SLC8A2: variants seen among roughly 807,000 people sequenced by gnomAD.
The protein encoded by SLC8A2 is solute carrier family 8 member A2.
In SLC8A2, 14 loss-of-function variants were observed where a neutral mutation model predicts 70.2. The observed-to-expected ratio is 0.20, with a 90% CI of 0.13 to 0.31. The LOEUF is 0.31. SLC8A2 is among the 10% of genes least tolerant of loss of function. The pLI, the probability that SLC8A2 is intolerant of heterozygous loss-of-function variation, is 1.00. For missense variants in SLC8A2, 779 were observed against 1,320.1 expected (o/e 0.59, Z 6.35); for synonymous variants, 575 against 594.3 (o/e 0.97, Z 0.47).
chr19:47,467,488 A>G (rs1320417862), intron 1 of SLC8A2, among the ~76,000 whole-genome samples: 2 of 152,136 alleles, frequency 1.3e-5, no homozygotes, highest in African/African-American at 2.4e-5. Flanking sequence ...GGTAGCAGGC[A>G]TCAGTCTCTC....
chr19:47,465,623 G>A lies in SLC8A2; in HGVS notation c.675+106C>T. ...TACTTGGCAGCCCTCTCAGATGTGA[G>A]TGTGCATTTCTGCAAATACAGCAAT... On this transcript the variant is annotated intron_variant, in intron 2 of 9. Transcript: ENST00000236877. The surrounding 1 kb of genome is among the most constrained non-coding windows in gnomAD (Gnocchi z 5.5). The A allele has an allele frequency of 1.0e-6, 1 of 982,180 alleles. No homozygotes were observed. The highest frequency in any genetic ancestry group is 2.6e-5 in the East Asian group (1 of 38,110). The allele number at this position is 982,180 out of a possible 1,614,324, so 60.8% of individuals were successfully genotyped here.
At position 47,466,196 on chromosome 19, in the gene SLC8A2, C is replaced by T; in HGVS notation, c.208G>A (p.Ala70Thr). 6.2e-7 allele frequency: 1 copy of T among 1,613,280 alleles called. No individual in the cohort carries two copies. Among genetic ancestry groups the T allele is most frequent in the Non-Finnish European group, 8.5e-7 (1 of 1,179,296 alleles). ...PDDPSLGDKA[A>T]RAVVYFVAMV... ...GCCACAAAGTACACCACTGCCCGTG[C>T]CGCCTTGTCACCCAGCGACGGGTCG... The change falls in exon 2 of 10, where the codon GCA becomes ACA. Residue 70 changes from alanine to threonine, a missense_variant. By Grantham distance (58) the Ala-to-Thr change is moderately conservative. Transcript: ENST00000236877. This position sits in a 1 kb window ranked among gnomAD's most constrained non-coding sequence, Gnocchi z 6.9.
intron 3 of SLC8A2, among the ~76,000 whole-genome samples, chr19:47,451,827 A>G (rs148756191): frequency 7.2e-5 from 11 of 152,342 alleles, no homozygotes; most frequent in Non-Finnish European, 1.2e-4. Context: ...GAATCATTCT[A>G]GTAACTGGCC....
chr19:47,431,138 C>T (rs1265855604), intron 9 of SLC8A2, among the ~76,000 whole-genome samples: 4 of 151,938 alleles, frequency 2.6e-5, no homozygotes, highest in African/African-American at 7.3e-5. Context: ...AGGTGATCCT[C>T]CCACCTCAGC....
intron 6 of SLC8A2, among the ~76,000 whole-genome samples, chr19:47,439,643 T>TTCCTTCCTTCCTTCCC: frequency 1.4e-5 from 2 of 145,682 alleles, no homozygotes; most frequent in Non-Finnish European, 3.0e-5. Flanking sequence ...CCTTCCTTCC[T>TTCCTTCCTTCCTTCCC]CCCCTCCCTC....
chr19:47,458,448 TTC>T (rs576090926), intron 2 of SLC8A2, among the ~76,000 whole-genome samples: 209 of 111,806 alleles, frequency 1.9e-3, no homozygotes, highest in African/African-American at 6.8e-3. Flanking sequence ...TTCCCCCCAT[TTC>T]TCTCTTTCCC....
chr19:47,434,088 G>GA (rs1297787696), intron 8 of SLC8A2, among the ~76,000 whole-genome samples: 1 of 152,256 alleles, frequency 6.6e-6, no homozygotes, highest in Non-Finnish European at 1.5e-5. Flanking sequence ...ATGCTCATGA[G>GA]AACGAACGTA....
At chr19:47,471,082 G>C (rs529440781) in intron 1 of SLC8A2, among the ~76,000 whole-genome samples, 3 of 151,528 alleles carry the variant, frequency 2.0e-5, no homozygotes, top group African/African-American at 4.9e-5. Context: ...GAGAAACAGA[G>C]ACTGAGATAT....
Position 47,447,997 on chromosome 19 carries a change from G to A in SLC8A2, c.1575C>T (p.Phe525=). ...TILDDDHAGI[F]SFQDRLLHVS... The stretch of plus-strand genomic sequence containing the variant: ...CGTGCAGCAGGCGGTCCTGGAAGGA[G>A]AAGATGCCTGCGTGGTCGTCGTCCA... Residue 525 remains phenylalanine (F), a synonymous_variant, in exon 4 of 10, where the codon TTC becomes TTT. Transcript: ENST00000236877. This position sits in a 1 kb window ranked among gnomAD's most constrained non-coding sequence, Gnocchi z 5.1. The A allele has an allele frequency of 1.9e-6, 3 of 1,561,952 alleles. No individual in the cohort carries two copies. The highest frequency in any genetic ancestry group is 2.6e-6 in the Non-Finnish European group (3 of 1,152,922).
intron 2 of SLC8A2, among the ~76,000 whole-genome samples, chr19:47,461,013 A>T (rs982349707): frequency 1.3e-5 from 2 of 152,062 alleles, no homozygotes; most frequent in Admixed American, 1.3e-4. Flanking sequence ...AACATGGTGA[A>T]ACCCCGTCTC....
In SLC8A2 at chr19:47,430,558, C is replaced by A; in HGVS notation, c.2390-93G>T. ...GCCCCCTCCCAGCCTTTCCCGGTCG[C>A]CTGCTTTCTGCGGGCAGTGTGGGCT... On this transcript the variant is annotated intron_variant, in intron 9 of 9. Coordinates refer to ENST00000236877, the MANE Select transcript of SLC8A2 (RefSeq NM_015063.3). This position sits in a 1 kb window ranked among gnomAD's most constrained non-coding sequence, Gnocchi z 5.9. 3.7e-6 allele frequency: 5 copies of A among 1,368,976 alleles called. No homozygotes were observed. The highest frequency in any genetic ancestry group is 4.8e-6 in the Non-Finnish European group (5 of 1,035,958). 84.8% of individuals were successfully genotyped at this position (1,368,976 alleles called of 1,614,324 possible).
rs1483966048 is a variant in SLC8A2, at chr19:47,459,024, G to A, written c.676-1430C>T. ...CTTTTCTCTCTCTCTCCTTGCTCCC[G>A]TTCCTCTCCATCTCTGTCTCTCTGT... is the stretch of plus-strand genomic sequence containing the variant. On this transcript the variant is annotated intron_variant, in intron 2 of 9. Transcript: ENST00000236877. Among the ~76,000 whole-genome samples, 4 of 131,134 alleles carry A rather than the reference G, an allele frequency of 3.1e-5. 1 individual carries two copies. The highest frequency in any genetic ancestry group is 5.0e-4 in the South Asian group (2 of 4,036). 86.0% of individuals were successfully genotyped at this position (131,134 alleles called of 152,430 possible).
chr19:47,462,805 T>G (rs1271754999), intron 2 of SLC8A2, among the ~76,000 whole-genome samples: 1 of 150,452 alleles, frequency 6.6e-6, no homozygotes, highest in Admixed American at 6.6e-5. Flanking sequence ...TCAGGCTGGT[T>G]TCGAACTCAT....
chr19:47,442,237 T>G (rs1967108245), intron 4 of SLC8A2, among the ~76,000 whole-genome samples: 1 of 152,178 alleles, frequency 6.6e-6, no homozygotes, highest in Admixed American at 6.5e-5. Context: ...CCTACCTAGA[T>G]TACTAGTTGC....
intron 3 of SLC8A2, among the ~76,000 whole-genome samples, chr19:47,452,455 T>A (rs1353984765): frequency 7.0e-4 from 93 of 132,954 alleles, no homozygotes; most frequent in African/African-American, 1.9e-3. Flanking sequence ...AGTGTGTGTG[T>A]GTGTGTGTGT....
At chr19:47,455,157 A>G (rs1159909783) in intron 3 of SLC8A2, among the ~76,000 whole-genome samples, 1 of 152,034 alleles carries the variant, frequency 6.6e-6, no homozygotes, top group African/African-American at 2.4e-5. Flanking sequence ...AAGAGGTGAG[A>G]GGAGAGGAGA....
chr19:47,441,249 G>T, intron 5 of SLC8A2, 63 bp from the exon 6 acceptor site: 1 of 1,600,956 alleles, frequency 6.2e-7, no homozygotes, highest in South Asian at 1.1e-5. Context: ...AGGTCCACGA[G>T]CTTTAAGGAG....
chr19:47,467,836 C>CAAAAAAA lies in SLC8A2; in HGVS notation c.-16-1424_-16-1418dup, dbSNP rs35745146. Reference sequence around the variant, plus strand: ...TGAAACCCTGTCTCTTCTAAAAATACAAAAAAAAAAAAAAAAAAAAAAAAG... The same window carrying CAAAAAAA: ...TGAAACCCTGTCTCTTCTAAAAATACAAAAAAAAAAAAAAAAAAAAAAAAAAAAAAAG... On this transcript the variant is annotated intron_variant, in intron 1 of 9. Transcript: ENST00000236877. 4.7e-4 allele frequency among the ~76,000 whole-genome samples: 18 copies of CAAAAAAA among 38,394 alleles called. 1 individual carries two copies. Among genetic ancestry groups the CAAAAAAA allele is most frequent in the African/African-American group, 1.2e-3 (11 of 9,218 alleles). The allele number at this position is 38,394 out of a possible 152,430, so 25.2% of individuals were successfully genotyped here.
chr19:47,453,896 G>A (rs1568444952), intron 3 of SLC8A2, among the ~76,000 whole-genome samples: 1 of 152,176 alleles, frequency 6.6e-6, no homozygotes, highest in Non-Finnish European at 1.5e-5. Context: ...CTGTGCTCCA[G>A]CGTGAGTGAC....
Sources: gnomAD v4.1 joint callset for allele counts (sites outside exome capture counted in the v4.1 genomes callset) on GRCh38, gnomAD v4.1.1 for gene constraint, Gnocchi (gnomAD v3.1) non-coding constraint, MANE v1.5 for transcripts, NCBI Gene and HGNC (gene_info 2026-07-23, HGNC 2026-07-21) for gene names.